RAB38: variants seen among roughly 807,000 people sequenced by gnomAD.
The protein encoded by RAB38 is RAB38, member RAS oncogene family.
Under a neutral mutation model 18.4 loss-of-function variants are expected in RAB38, and 15 were observed. The ratio of observed to expected loss-of-function variants is 0.82; its 90% CI spans 0.55 to 1.26. The LOEUF (loss-of-function observed/expected upper bound fraction) is 1.26, where lower values mean the gene tolerates loss of function less well. Among genes scored for constraint, RAB38 ranks in the 50% most tolerant of loss-of-function variants. RAB38 has a pLI of 0.00. For synonymous variants in RAB38, 101 were observed against 104.4 expected, an observed-to-expected ratio of 0.97 and a Z score of 0.20; for missense variants, 294 against 267.4, an observed-to-expected ratio of 1.10 and a Z score of -0.69.
At chr11:87,954,601 TGTGAGCACTCACAAAGCCACCA>T in the RAB38 span, among the ~76,000 whole-genome samples, 1 of 151,990 alleles carries the variant, frequency 6.6e-6, no homozygotes, top group African/African-American at 2.4e-5. Flanking sequence ...CTCAGTTTTC[TGTGAGCACTCACAAAGCCACCA>T]CTAGCTTTCA....
chr11:87,876,722 A>C, the RAB38 span, among the ~76,000 whole-genome samples: 1 of 151,452 alleles, frequency 6.6e-6, no homozygotes, highest in Non-Finnish European at 1.5e-5. Flanking sequence ...TGGATTATGA[A>C]ATTCTAGTGA....
chr11:88,048,814 T>G, the RAB38 span, among the ~76,000 whole-genome samples: 1 of 152,220 alleles, frequency 6.6e-6, no homozygotes, highest in East Asian at 1.9e-4. Context: ...ACCGCCACTC[T>G]AAAGTCCCTC....
At position 88,155,696 on chromosome 11, in the gene RAB38, G is replaced by C. The variant is rs1943116891; in HGVS notation, c.203-5741C>G. Among the ~76,000 whole-genome samples the C allele has an allele frequency of 2.0e-5, 3 of 152,248 alleles. No homozygotes were observed. In the Middle Eastern group the frequency reaches 0.01, roughly 518 times the overall value. ...CCAGCAAAGGTCCCTAATGAAAATAGAAACTCAGAAGTGACAGATAAAGAA... is the reference window on the plus strand; with the variant it reads ...CCAGCAAAGGTCCCTAATGAAAATACAAACTCAGAAGTGACAGATAAAGAA... On this transcript the variant is annotated intron_variant, in intron 1 of 2. Transcript: ENST00000243662.
chr11:88,052,079 C>A, the RAB38 span, among the ~76,000 whole-genome samples: 2 of 152,070 alleles, frequency 1.3e-5, no homozygotes. Flanking sequence ...GCTAAGATTG[C>A]ACCATTGCAC....
the RAB38 span, among the ~76,000 whole-genome samples, chr11:87,862,491 C>T: frequency 1.8e-4 from 28 of 151,788 alleles, no homozygotes; most frequent in Non-Finnish European, 1.9e-4. Flanking sequence ...AGGAACAACA[C>T]ACACTGGGGC....
the RAB38 span, among the ~76,000 whole-genome samples, chr11:87,874,791 A>ATC: frequency 6.6e-6 from 1 of 151,650 alleles, no homozygotes; most frequent in Non-Finnish European, 1.5e-5. Context: ...AAAAAGATAA[A>ATC]AGATAAGCAT....
At chr11:87,977,790 T>A in the RAB38 span, among the ~76,000 whole-genome samples, 1 of 113,048 alleles carries the variant, frequency 8.8e-6, no homozygotes, top group Non-Finnish European at 1.7e-5. Context: ...ATATCATAGT[T>A]ATATATATTA....
the RAB38 span, among the ~76,000 whole-genome samples, chr11:88,096,335 A>G: frequency 6.6e-6 from 1 of 151,612 alleles, no homozygotes; most frequent in Non-Finnish European, 1.5e-5. Flanking sequence ...TCTCTCAGAT[A>G]TTTTCATAGC....
chr11:87,943,664 G>A, the RAB38 span, among the ~76,000 whole-genome samples: 1 of 152,266 alleles, frequency 6.6e-6, no homozygotes, highest in South Asian at 2.1e-4. Context: ...TTTGGGAGAG[G>A]CCTGTGAAAG....
At chr11:88,152,052 A>C (rs1487870083) in intron 1 of RAB38, among the ~76,000 whole-genome samples, 1 of 152,180 alleles carries the variant, frequency 6.6e-6, no homozygotes, top group Non-Finnish European at 1.5e-5. Context: ...TTTCCCAAAT[A>C]AGTTTTAAAT....
At chr11:87,889,786 T>C in the RAB38 span, among the ~76,000 whole-genome samples, 1 of 149,588 alleles carries the variant, frequency 6.7e-6, no homozygotes, top group African/African-American at 2.5e-5. Flanking sequence ...CTTACTGTTC[T>C]ATATAACATG....
chr11:87,954,295 T>TG, the RAB38 span, among the ~76,000 whole-genome samples: 1 of 152,096 alleles, frequency 6.6e-6, no homozygotes, highest in South Asian at 2.1e-4. Flanking sequence ...GGCATCATGG[T>TG]GGGAACAACA....
intron 1 of RAB38, among the ~76,000 whole-genome samples, chr11:88,153,945 C>A (rs953815911): frequency 6.6e-6 from 1 of 152,140 alleles, no homozygotes; most frequent in African/African-American, 2.4e-5. Context: ...TCCACCAGGA[C>A]AACTCAAATT....
chr11:88,132,984 A>T (rs1942784386), intron 2 of RAB38, among the ~76,000 whole-genome samples: 1 of 152,224 alleles, frequency 6.6e-6, no homozygotes, highest in Non-Finnish European at 1.5e-5. Context: ...ACAGTTTGAT[A>T]CAGCTGTTGA....
the RAB38 span, among the ~76,000 whole-genome samples, chr11:87,822,909 T>C: frequency 6.6e-6 from 1 of 152,190 alleles, no homozygotes; most frequent in African/African-American, 2.4e-5. Flanking sequence ...TATAGTAGAA[T>C]CAGGTAAAAT....
intron 2 of RAB38, among the ~76,000 whole-genome samples, chr11:88,140,807 G>A (rs1009281443): frequency 1.3e-5 from 2 of 152,104 alleles, no homozygotes; most frequent in Non-Finnish European, 1.5e-5. Flanking sequence ...AAGAATGAGG[G>A]GTTTCTAAAG....
chr11:88,064,988 C>A, the RAB38 span, among the ~76,000 whole-genome samples: 2 of 152,134 alleles, frequency 1.3e-5, no homozygotes, highest in Non-Finnish European at 2.9e-5. Flanking sequence ...GGAAAAAGAT[C>A]TTTGGCCTTA....
the RAB38 span, among the ~76,000 whole-genome samples, chr11:88,082,707 A>G: frequency 3.9e-5 from 6 of 151,974 alleles, no homozygotes; most frequent in East Asian, 5.8e-4. Flanking sequence ...TCACTTCTCA[A>G]TAACTTCATT....
chr11:88,168,791 G>T (rs1365946238), intron 1 of RAB38, among the ~76,000 whole-genome samples: 1 of 152,044 alleles, frequency 6.6e-6, no homozygotes, highest in Non-Finnish European at 1.5e-5. Flanking sequence ...GTTTCCTTTT[G>T]ACTTCACCAG....
Sources: allele counts gnomAD v4.1 joint callset (sites outside exome capture counted in the v4.1 genomes callset), GRCh38; gene constraint gnomAD v4.1.1; transcripts MANE v1.5; gene names NCBI Gene and HGNC (gene_info 2026-07-23, HGNC 2026-07-21).